Variants in NCOA1 observed in about 807,000 individuals in gnomAD.
NCOA1 encodes the protein nuclear receptor coactivator 1, also known as Hin-2 protein.
Under a neutral mutation model 150.9 loss-of-function variants are expected in NCOA1, and 35 were observed. The ratio of observed to expected loss-of-function variants is 0.23; its 90% CI spans 0.18 to 0.31. The LOEUF (loss-of-function observed/expected upper bound fraction) is 0.31. Among genes scored for constraint, NCOA1 ranks in the 10% least tolerant of loss-of-function variants. The probability of loss-of-function intolerance (pLI) is 1.00; values close to 1 mark genes in which losing one functional copy is unlikely to be tolerated. For synonymous variants in NCOA1, 590 were observed against 630.0 expected (o/e 0.94, Z 0.95); for missense variants, 1,491 against 1,749.3 (o/e 0.85, Z 2.63).
At chr2:24,672,897 A>C (rs889403051) in intron 6 of NCOA1, among the ~76,000 whole-genome samples, 1 of 152,222 alleles carries the variant, frequency 6.6e-6, no homozygotes, top group African/African-American at 2.4e-5. Flanking sequence ...CAATCAGAGC[A>C]TCATGGCACG....
At chr2:24,513,227 T>TA (rs1664010354) in intron 1 of NCOA1, among the ~76,000 whole-genome samples, 1 of 152,070 alleles carries the variant, frequency 6.6e-6, no homozygotes, top group Admixed American at 6.5e-5. Flanking sequence ...AAAAAAGAAG[T>TA]AAAACATTGT....
chr2:24,631,236 G>T (rs1177224871), intron 3 of NCOA1, among the ~76,000 whole-genome samples: 7 of 152,044 alleles, frequency 4.6e-5, no homozygotes, highest in Non-Finnish European at 8.8e-5. Flanking sequence ...AGTGTTAATG[G>T]TTTATTTATA....
At position 24,665,744 on chromosome 2, in the gene NCOA1, A is replaced by G. The variant is rs747633445; in HGVS notation, c.90-5A>G. On this transcript the variant is annotated splice_polypyrimidine_tract_variant and splice_region_variant and intron_variant, in intron 5 of 22. Coordinates refer to ENST00000348332, the MANE Select transcript of NCOA1 (RefSeq NM_003743.5). Reference sequence around the variant, plus strand: ...TACACTAACTGGATTTTCTTTGTGTAACAGCACGGAAAAGAGGCGCAGGGA... The same window carrying G: ...TACACTAACTGGATTTTCTTTGTGTGACAGCACGGAAAAGAGGCGCAGGGA... 4 of 1,527,698 alleles carry G rather than the reference A, an allele frequency of 2.6e-6. No homozygotes were observed. The highest frequency in any genetic ancestry group is 2.5e-5 in the East Asian group (1 of 40,774). 94.6% of individuals were successfully genotyped at this position (1,527,698 alleles called of 1,614,324 possible). A position where few individuals can be genotyped will look rare whatever the true frequency, so the allele number is the denominator to read the frequency against.
intron 2 of NCOA1, among the ~76,000 whole-genome samples, chr2:24,581,856 C>T (rs963494425): frequency 6.6e-5 from 10 of 152,120 alleles, no homozygotes; most frequent in Non-Finnish European, 1.2e-4. Context: ...AGTACAAAAT[C>T]ATATGATCAC....
At chr2:24,501,719 A>AGG (rs1663470605) in intron 1 of NCOA1, among the ~76,000 whole-genome samples, 1 of 152,180 alleles carries the variant, frequency 6.6e-6, no homozygotes, top group Admixed American at 6.5e-5. Context: ...GCCCCTAGAT[A>AGG]GGCTTTAGGG....
intron 21 of NCOA1, among the ~76,000 whole-genome samples, chr2:24,762,143 C>T (rs1406037323): frequency 1.3e-5 from 2 of 152,252 alleles, no homozygotes; most frequent in Admixed American, 1.3e-4. Context: ...AAATACACTC[C>T]AGGCAGTAGG....
chr2:24,752,204 TC>T, intron 20 of NCOA1, 48 bp downstream of exon 20: 1 of 1,573,588 alleles, frequency 6.4e-7, no homozygotes, highest in Non-Finnish European at 8.7e-7. Context: ...CTGTGATAAA[TC>T]CTTGATACTG....
chr2:24,582,402 G>A (rs1407481843), intron 2 of NCOA1, among the ~76,000 whole-genome samples: 3 of 152,038 alleles, frequency 2.0e-5, no homozygotes, highest in African/African-American at 7.2e-5. Context: ...CCAAGGAGGT[G>A]AAATATCTCT....
chr2:24,538,072 T>G (rs1300774335), intron 1 of NCOA1, among the ~76,000 whole-genome samples: 1 of 152,210 alleles, frequency 6.6e-6, no homozygotes, highest in Admixed American at 6.5e-5. Context: ...TCTTAAGAGA[T>G]AGCTTTTTAA....
chr2:24,682,978 A>G lies in NCOA1; in HGVS notation c.382A>G (p.Asn128Asp). The change falls in exon 8 of 23, where the codon AAC becomes GAC. Residue 128 changes from asparagine to aspartate, a missense_variant. Asn to Asp is a conservative substitution (Grantham distance 23, BLOSUM62 1). Around this residue, in one of 8 missense-constraint regions of NCOA1, gnomAD observed 80 missense variants for 163.0 expected, o/e 0.49. Transcript: ENST00000348332. ...EALDGFFFVV[N>D]CEGRIVFVSE... ...TTTGGATGGATTTTTCTTTGTTGTGAACTGTGAAGGGAGAATTGTATTTGT... is the reference window on the plus strand; with the variant it reads ...TTTGGATGGATTTTTCTTTGTTGTGGACTGTGAAGGGAGAATTGTATTTGT... 6.2e-7 allele frequency: 1 copy of G among 1,600,384 alleles called. No homozygotes were observed. Among genetic ancestry groups the G allele is most frequent in the Non-Finnish European group, 8.5e-7 (1 of 1,175,592 alleles).
chr2:24,665,399 G>A (rs1344426838), intron 5 of NCOA1, among the ~76,000 whole-genome samples: 1 of 152,010 alleles, frequency 6.6e-6, no homozygotes, highest in Non-Finnish European at 1.5e-5. Context: ...ATTTCAAGAA[G>A]TTATTCATAA....
intron 1 of NCOA1, among the ~76,000 whole-genome samples, chr2:24,505,273 G>A (rs72803270): frequency 0.046 from 6,927 of 150,752 alleles, 246 homozygotes; most frequent in East Asian, 0.19. Flanking sequence ...CGCAACCTCC[G>A]CCTCCTGGGT....
At chr2:24,715,448 T>C (rs1673978292) in intron 14 of NCOA1, among the ~76,000 whole-genome samples, 1 of 152,150 alleles carries the variant, frequency 6.6e-6, no homozygotes, top group African/African-American at 2.4e-5. Context: ...AAGTTAAAAA[T>C]GCATTTTTTT....
At chr2:24,567,247 AT>A (rs1315381759) in intron 2 of NCOA1, among the ~76,000 whole-genome samples, 1 of 152,242 alleles carries the variant, frequency 6.6e-6, no homozygotes, top group Non-Finnish European at 1.5e-5. Flanking sequence ...CAATTAGTAG[AT>A]GTATTGTACT....
rs748739344 is a variant in NCOA1, at chr2:24,768,336, C to T, written c.4271C>T (p.Pro1424Leu). 1.9e-6 allele frequency: 3 copies of T among 1,613,622 alleles called. No homozygotes were observed. Among genetic ancestry groups the T allele is most frequent in the African/African-American group, 2.7e-5 (2 of 74,830 alleles). ...PLGTQKPTSG[P>L]QTPQAQQKSL... ...GGAACTCAAAAGCCCACGTCAGGACCACAGACCCCCCAGGCCCAGCAGAAG... is the reference window on the plus strand; with the variant it reads ...GGAACTCAAAAGCCCACGTCAGGACTACAGACCCCCCAGGCCCAGCAGAAG... Residue 1424 changes from proline (P) to leucine (L), a missense_variant, in exon 23 of 23, where the codon CCA (proline) becomes CTA (leucine). Physicochemically the swap from Pro to Leu is moderately conservative, Grantham distance 98. Around this residue, in one of 8 missense-constraint regions of NCOA1, gnomAD observed 46 missense variants for 78.8 expected, o/e 0.58. Transcript: ENST00000348332.
chr2:24,584,237 TTATC>T (rs1340884381), intron 2 of NCOA1, among the ~76,000 whole-genome samples: 2 of 152,236 alleles, frequency 1.3e-5, no homozygotes, highest in African/African-American at 2.4e-5. Flanking sequence ...AGAATGTTAA[TTATC>T]TATATTCCAT....
intron 3 of NCOA1, among the ~76,000 whole-genome samples, chr2:24,603,690 C>T (rs1558830571): frequency 2.0e-5 from 3 of 152,192 alleles, no homozygotes; most frequent in Admixed American, 2.0e-4. Context: ...GGCTCCATTT[C>T]GAATTCTGGT....
At chr2:24,516,742 C>G (rs894724324) in intron 1 of NCOA1, among the ~76,000 whole-genome samples, 23 of 150,046 alleles carry the variant, frequency 1.5e-4, no homozygotes, top group African/African-American at 5.6e-4. Context: ...CACTTTCTCT[C>G]TTATACCTCT....
intron 3 of NCOA1, among the ~76,000 whole-genome samples, chr2:24,602,027 T>C (rs947589766): frequency 2.6e-4 from 39 of 152,148 alleles, no homozygotes; most frequent in Admixed American, 2.2e-3. Context: ...GCCTTCACCG[T>C]TTAATTTTTT....
Sources: gnomAD v4.1 joint callset for allele counts (sites outside exome capture counted in the v4.1 genomes callset) on GRCh38, gnomAD v4.1.1 for gene constraint, gnomAD v4.1.1 regional missense constraint, MANE v1.5 for transcripts, NCBI Gene and HGNC (gene_info 2026-07-23, HGNC 2026-07-21) for gene names.